The following CEP85L variants were observed in gnomAD, a reference collection of about 807,000 sequenced individuals.
CEP85L encodes the protein centrosomal protein 85L, also known as centrosomal protein of 85 kDa-like.
A neutral mutation model predicts 100.3 loss-of-function variants in CEP85L; 60 were observed. The ratio of observed to expected loss-of-function variants is 0.60; its 90% confidence interval spans 0.49 to 0.74. The LOEUF (loss-of-function observed/expected upper bound fraction) is 0.74. Among genes scored for constraint, CEP85L ranks in the 30% least tolerant of loss-of-function variants. The pLI is 0.00. For synonymous variants in CEP85L, 319 were observed against 322.7 expected, an observed-to-expected ratio of 0.99 and a Z score of 0.12; for missense variants, 973 against 936.2, an observed-to-expected ratio of 1.04 and a Z score of -0.51.
At chr6:118,584,865 G>A (rs990552064) in intron 2 of CEP85L, among the ~76,000 whole-genome samples, 3 of 152,210 alleles carry the variant, frequency 2.0e-5, no homozygotes, top group African/African-American at 4.8e-5. Context: ...TTAAATATCA[G>A]GCCCTGCTGT....
chr6:118,579,902 TC>T (rs1284572347), intron 2 of CEP85L, among the ~76,000 whole-genome samples: 1 of 152,210 alleles, frequency 6.6e-6, no homozygotes, highest in African/African-American at 2.4e-5. Flanking sequence ...ATATGGCAAT[TC>T]CCACCTTCTT....
At chr6:118,481,030 T>A (rs778343021) in intron 8 of CEP85L, among the ~76,000 whole-genome samples, 2 of 151,752 alleles carry the variant, frequency 1.3e-5, no homozygotes. Flanking sequence ...TTATTTTAGG[T>A]TTGGGGGTAC....
At chr6:118,615,741 C>G (rs944650521) in intron 2 of CEP85L, among the ~76,000 whole-genome samples, 1 of 152,158 alleles carries the variant, frequency 6.6e-6, no homozygotes, top group African/African-American at 2.4e-5. Context: ...GTCAACCACA[C>G]CTACATACCG....
chr6:118,637,821 AAAAT>A (rs1397265913), intron 1 of CEP85L, among the ~76,000 whole-genome samples: 8 of 152,078 alleles, frequency 5.3e-5, no homozygotes, highest in Admixed American at 1.3e-4. Context: ...AAGCAAACTA[AAAAT>A]AAATAAATAA....
chr6:118,695,100 C>T (rs1771759), intron 1 of CEP85L, among the ~76,000 whole-genome samples: 8,311 of 152,210 alleles, frequency 0.055, 449 homozygotes, highest in African/African-American at 0.14. Flanking sequence ...TCTCTATAGA[C>T]GTGATCAATC....
At chr6:118,498,105 T>C (rs1775036354) in intron 5 of CEP85L, among the ~76,000 whole-genome samples, 1 of 152,144 alleles carries the variant, frequency 6.6e-6, no homozygotes, top group African/African-American at 2.4e-5. Context: ...GGATTAGTTA[T>C]AAATGTAAAT....
At chr6:118,647,979 C>T (rs532361034) in intron 1 of CEP85L, among the ~76,000 whole-genome samples, 7 of 152,178 alleles carry the variant, frequency 4.6e-5, no homozygotes, top group Admixed American at 1.3e-4. Flanking sequence ...TTTAGCTGGG[C>T]GCGGTTACTC....
chr6:118,692,779 A>G (rs530406915), intron 1 of CEP85L, among the ~76,000 whole-genome samples: 1 of 67,726 alleles, frequency 1.5e-5, no homozygotes, highest in South Asian at 4.5e-4. Flanking sequence ...ATACATTGAT[A>G]GAAGTATAGA....
intron 1 of CEP85L, among the ~76,000 whole-genome samples, chr6:118,687,531 T>C (rs970681608): frequency 6.6e-6 from 1 of 152,114 alleles, no homozygotes; most frequent in African/African-American, 2.4e-5. Flanking sequence ...AAATGCTAAT[T>C]AGGCAACAAC....
At chr6:118,594,200 CAAAT>C (rs1485949283) in intron 2 of CEP85L, among the ~76,000 whole-genome samples, 2 of 152,172 alleles carry the variant, frequency 1.3e-5, no homozygotes, top group African/African-American at 2.4e-5. Context: ...ATTGGCTAAA[CAAAT>C]AAATAATCCA....
At chr6:118,677,281 C>T (rs1485008875) in intron 1 of CEP85L, among the ~76,000 whole-genome samples, 1 of 152,138 alleles carries the variant, frequency 6.6e-6, no homozygotes, top group Non-Finnish European at 1.5e-5. Flanking sequence ...GAAAGCTAGA[C>T]AGCAGAAGAT....
intron 1 of CEP85L, among the ~76,000 whole-genome samples, chr6:118,685,251 T>C (rs2114278278): frequency 6.6e-6 from 1 of 152,340 alleles, no homozygotes; most frequent in East Asian, 1.9e-4. Context: ...AAGAATAGTA[T>C]AGCACTTAGT....
intron 12 of CEP85L, among the ~76,000 whole-genome samples, chr6:118,466,034 G>C (rs1332509472): frequency 6.6e-6 from 1 of 152,094 alleles, no homozygotes; most frequent in Non-Finnish European, 1.5e-5. Flanking sequence ...CACAGAGGGA[G>C]AGCGGGGAGG....
Position 118,703,161 on chromosome 6 carries a change from T to TG in CEP85L, c.-28+6874dup, listed in dbSNP as rs564052009. On this transcript the variant is annotated intron_variant, in intron 1 of 13. Coordinates refer to the CEP85L transcript ENST00000368488. ...CAAAACAAATAAATCAGTCTTTTGG[T>TG]GGGGGGGATTACTATTTCTGTAGTT... is the stretch of plus-strand genomic sequence containing the variant. 7.2e-5 allele frequency among the ~76,000 whole-genome samples: 11 copies of TG among 152,014 alleles called. No homozygotes were observed. The South Asian group carries it at 1.0e-3, about 14-fold the overall frequency.
intron 3 of CEP85L, among the ~76,000 whole-genome samples, chr6:118,561,300 T>C (rs1193273292): frequency 2.0e-5 from 3 of 152,214 alleles, no homozygotes; most frequent in Non-Finnish European, 4.4e-5. Context: ...AGTGGAAAAT[T>C]TGAACTGATT....
Position 118,651,563 on chromosome 6 carries a change from C to G in CEP85L, c.-294G>C, listed in dbSNP as rs1583227934. Reference sequence around the variant, plus strand: ...CCGGCTGAGCCCAGGCTCAAAGGCTCCAGGCGAAGTTGCAGCTGCGGGTTC... The same window carrying G: ...CCGGCTGAGCCCAGGCTCAAAGGCTGCAGGCGAAGTTGCAGCTGCGGGTTC... On this transcript the variant is annotated 5_prime_UTR_variant, in exon 1 of 13. Transcript: ENST00000368491. 1 of 1,191,960 alleles carries G rather than the reference C, an allele frequency of 8.4e-7. No individual in the cohort carries two copies. The highest frequency in any genetic ancestry group is 1.6e-5 in the African/African-American group (1 of 62,898). The allele number at this position is 1,191,960 out of a possible 1,614,324, so 73.8% of individuals were successfully genotyped here.
chr6:118,607,029 T>C (rs1772271509), intron 2 of CEP85L, among the ~76,000 whole-genome samples: 1 of 152,158 alleles, frequency 6.6e-6, no homozygotes, highest in Admixed American at 6.5e-5. Flanking sequence ...ATCCAGCTTG[T>C]GGCACCATAG....
In CEP85L at chr6:118,566,335, G is replaced by A; in HGVS notation, c.233-19C>T. On this transcript the variant is annotated intron_variant, in intron 2 of 12. Coordinates refer to ENST00000368491, the MANE Select transcript of CEP85L (RefSeq NM_001042475.3). ...GAATGATCTGGAAAGAAAAAAGATG[G>A]TCAAATTAGTTACAATTAACAGACA... The A allele has an allele frequency of 2.5e-6, 4 of 1,581,492 alleles. No individual in the cohort carries two copies. Among genetic ancestry groups the A allele is most frequent in the Non-Finnish European group, 3.4e-6 (4 of 1,161,944 alleles).
intron 5 of CEP85L, among the ~76,000 whole-genome samples, chr6:118,498,233 C>T (rs180992299): frequency 6.6e-6 from 1 of 152,104 alleles, no homozygotes; most frequent in Non-Finnish European, 1.5e-5. Context: ...TTGGCTCATG[C>T]CTGTAATCCC....
Sources: allele counts gnomAD v4.1 joint callset (sites outside exome capture counted in the v4.1 genomes callset), GRCh38; gene constraint gnomAD v4.1.1; transcripts MANE v1.5; gene names NCBI Gene and HGNC (gene_info 2026-07-23, HGNC 2026-07-21).